LARP1B: variants seen among roughly 807,000 people sequenced by gnomAD.
LARP1B encodes the protein la-related protein 1B.
A neutral mutation model predicts 114.2 loss-of-function variants in LARP1B; 76 were observed. The ratio of observed to expected loss-of-function variants is 0.67; its 90% CI spans 0.55 to 0.81. The LOEUF (loss-of-function observed/expected upper bound fraction) is 0.81. Among genes scored for constraint, LARP1B ranks in the 30% least tolerant of loss-of-function variants. The pLI is 0.00. For synonymous variants in LARP1B, 345 were observed against 348.0 expected, an observed-to-expected ratio of 0.99 and a Z score of 0.10; for missense variants, 1,014 against 1,075.8, an observed-to-expected ratio of 0.94 and a Z score of 0.80.
At chr4:128,171,999 G>C (rs1285537521) in intron 12 of LARP1B, among the ~76,000 whole-genome samples, 2 of 151,736 alleles carry the variant, frequency 1.3e-5, no homozygotes, top group Admixed American at 6.6e-5. Context: ...TCCTGGATGG[G>C]ATTCTCTGTT....
chr4:128,161,155 T>C (rs763122309), intron 11 of LARP1B, among the ~76,000 whole-genome samples: 7 of 152,188 alleles, frequency 4.6e-5, no homozygotes, highest in Non-Finnish European at 7.4e-5. Flanking sequence ...CTCAAACTCC[T>C]TTTTTATCTC....
intron 7 of LARP1B, chr4:128,093,067 A>G: frequency 3.0e-6 from 3 of 984,544 alleles, no homozygotes; most frequent in South Asian, 4.7e-5. Context: ...CACTGAGCAA[A>G]ATGTCAGACA....
intron 17 of LARP1B, among the ~76,000 whole-genome samples, chr4:128,206,096 GCCTGGCCAACATGGTGAAA>G (rs1757513551): frequency 6.6e-6 from 1 of 152,118 alleles, no homozygotes; most frequent in Non-Finnish European, 1.5e-5. Context: ...TTTGAGACCA[GCCTGGCCAACATGGTGAAA>G]CCCCGTCTCT....
At position 128,200,664 on chromosome 4, in the gene LARP1B, A is replaced by G. The variant is rs763223317; in HGVS notation, c.2308A>G (p.Arg770Gly). ...LAWEDAKENY[R>G]YGLECLFRFY... is the part of the protein sequence containing the mutation. ...TTGGGAAGATGCAAAAGAAAATTAC[A>G]GGTCAGATATTTTCTTTTACACTTC... The change falls in exon 17 of 20, where the codon AGG becomes GGG. Residue 770 changes from arginine to glycine, a missense_variant and splice_region_variant. Coordinates refer to ENST00000326639, the MANE Select transcript of LARP1B (RefSeq NM_018078.4). The G allele has an allele frequency of 6.4e-7, 1 of 1,570,202 alleles. No individual in the cohort carries two copies. The highest frequency in any genetic ancestry group is 8.6e-7 in the Non-Finnish European group (1 of 1,160,414).
chr4:128,177,168 G>A (rs1451042796), intron 13 of LARP1B, among the ~76,000 whole-genome samples: 1 of 152,084 alleles, frequency 6.6e-6, no homozygotes, highest in Non-Finnish European at 1.5e-5. Context: ...AAACACTGAA[G>A]GATGTTAAGC....
intron 3 of LARP1B, among the ~76,000 whole-genome samples, chr4:128,076,394 CTT>C (rs965203582): frequency 3.9e-5 from 6 of 151,970 alleles, no homozygotes; most frequent in African/African-American, 1.2e-4. Context: ...AGTAGGTACT[CTT>C]TTTTTTCCTG....
At chr4:128,107,831 A>AT in intron 9 of LARP1B, 4 of 1,522,998 alleles carry the variant, frequency 2.6e-6, no homozygotes, top group Non-Finnish European at 3.5e-6. Context: ...TTCCTGGATC[A>AT]TTTTTAAGAC....
In LARP1B at chr4:128,098,198, C is replaced by T. The variant is rs771702356; in HGVS notation, c.681C>T (p.Phe227=). ...EYIKRQIEYY[F]SVENLERDFF... ...TTTCTCTTTTCAGTGAATATTACTT[C>T]AGTGTAGAAAATTTGGAACGAGACT... The change falls in exon 8 of 20, where the codon TTC becomes TTT. Residue 227 remains phenylalanine (F), a synonymous_variant. Coordinates refer to ENST00000326639, the MANE Select transcript of LARP1B (RefSeq NM_018078.4). The T allele has an allele frequency of 1.2e-6, 2 of 1,608,644 alleles. No homozygotes were observed. The highest frequency in any genetic ancestry group is 2.2e-5 in the South Asian group (2 of 90,888).
At chr4:128,062,273 C>T (rs1365095312) in intron 1 of LARP1B, 5 of 985,438 alleles carry the variant, frequency 5.1e-6, no homozygotes, top group South Asian at 9.4e-5. Flanking sequence ...GGGCGACTTG[C>T]GGGACTTGCC....
At chr4:128,213,850 G>A (rs1033484794), downstream of LARP1B, among the ~76,000 whole-genome samples, 26 of 152,210 alleles carry the variant, frequency 1.7e-4, no homozygotes, top group African/African-American at 6.3e-4. Context: ...CAGCGTGAGC[G>A]ACGCAGAAGA....
At chr4:128,099,376 C>T (rs1022418017) in intron 8 of LARP1B, among the ~76,000 whole-genome samples, 3 of 151,602 alleles carry the variant, frequency 2.0e-5, no homozygotes, top group Admixed American at 2.0e-4. Context: ...CAACTTCTGC[C>T]TCCCAGGTTC....
At chr4:128,119,033 G>A (rs1440291387) in intron 10 of LARP1B, among the ~76,000 whole-genome samples, 4 of 151,492 alleles carry the variant, frequency 2.6e-5, no homozygotes, top group South Asian at 2.1e-4. Context: ...GGCACCCGCC[G>A]CCATGCCCAG....
intron 1 of LARP1B, among the ~76,000 whole-genome samples, chr4:128,073,418 CAAAAAAAAAAAAAAA>C (rs776553862): frequency 1.4e-4 from 6 of 42,916 alleles, no homozygotes; most frequent in East Asian, 2.0e-3. Flanking sequence ...GATTCCGTCT[CAAAAAAAAAAAAAAA>C]AAAAAAAAAA....
In LARP1B at chr4:128,122,108, A is replaced by G. The variant is rs1788141050; in HGVS notation, c.1444A>G (p.Lys482Glu). Residue 482 changes from lysine (K) to glutamate (E), a missense_variant, in exon 11 of 20, where the codon AAA becomes GAA. Coordinates refer to ENST00000326639, the MANE Select transcript of LARP1B (RefSeq NM_018078.4). ...GGCAAAAATCACATCTGAACTTGCT[A>G]AAGTTATCAATGATGGCTTATACTA... ...SRAKITSELA[K>E]VINDGLYYYE... 2 of 1,614,138 alleles carry G rather than the reference A, an allele frequency of 1.2e-6. No homozygotes were observed. Among genetic ancestry groups the G allele is most frequent in the Non-Finnish European group, 1.7e-6 (2 of 1,179,988 alleles).
intron 15 of LARP1B, among the ~76,000 whole-genome samples, chr4:128,195,162 T>C (rs1753671122): frequency 6.6e-6 from 1 of 152,200 alleles, no homozygotes; most frequent in African/African-American, 2.4e-5. Context: ...TTCTATTATA[T>C]TTGCTCCTAG....
intron 12 of LARP1B, among the ~76,000 whole-genome samples, chr4:128,172,091 A>G (rs936296626): frequency 4.6e-5 from 7 of 151,846 alleles, no homozygotes; most frequent in African/African-American, 1.7e-4. Context: ...TTAGCCCTGC[A>G]TTTCTTCTCT....
intron 8 of LARP1B, among the ~76,000 whole-genome samples, chr4:128,098,749 A>G (rs112863107): frequency 0.32 from 5,625 of 17,408 alleles, 1,181 homozygotes; most frequent in Middle Eastern, 0.38. Flanking sequence ...ATGTATGTGT[A>G]TATATATATA....
chr4:128,125,756 A>C (rs1789383799), intron 11 of LARP1B, among the ~76,000 whole-genome samples: 1 of 152,118 alleles, frequency 6.6e-6, no homozygotes, highest in Admixed American at 6.5e-5. Context: ...AAAAACAAAA[A>C]ACAAAAACAA....
At chr4:128,203,014 A>G (rs1206830756) in intron 17 of LARP1B, among the ~76,000 whole-genome samples, 2 of 152,196 alleles carry the variant, frequency 1.3e-5, no homozygotes, top group Admixed American at 1.3e-4. Flanking sequence ...CCTGGCCAAC[A>G]TGGCAAAACC....
Sources: gnomAD v4.1 joint callset for allele counts (sites outside exome capture counted in the v4.1 genomes callset) on GRCh38, gnomAD v4.1.1 for gene constraint, MANE v1.5 for transcripts, NCBI Gene and HGNC (gene_info 2026-07-23, HGNC 2026-07-21) for gene names.